The following ALG9 variants were observed in gnomAD, a reference collection of about 807,000 sequenced individuals.
ALG9 encodes alpha-1,2-mannosyltransferase ALG9.
In ALG9, 55 loss-of-function variants were observed where a neutral mutation model predicts 81.8. The observed-to-expected ratio is 0.67, with a 90% CI of 0.54 to 0.84. The LOEUF (loss-of-function observed/expected upper bound fraction) is 0.84. Ranked by LOEUF, ALG9 falls within the 40% of genes least tolerant of loss-of-function variation. The pLI is 0.00. For synonymous variants in ALG9, 278 were observed against 274.3 expected (o/e 1.01, Z -0.13); for missense variants, 629 against 745.0 (o/e 0.84, Z 1.81).
rs782084496 is a variant in ALG9, at chr11:111,809,716, G to A, written c.1660C>T (p.Arg554Trp). The change falls in exon 14 of 15, where the codon CGG (arginine) becomes TGG (tryptophan). Residue 554 changes from arginine (R) to tryptophan (W), a missense_variant. By Grantham distance (101) the Arg-to-Trp change is moderately radical. Around this residue, in one of 3 missense-constraint regions of ALG9, gnomAD observed 264 missense variants for 302.2 expected, o/e 0.87. Transcript: ENST00000616540. ...VDLDTMRETP[R>W]EPKYSSNKEE... ...TTATTGGATGAATATTTTGGCTCCC[G>A]GGGTGTTTCTCTCATGGTGTCCAAA... 5.5e-5 allele frequency: 89 copies of A among 1,613,894 alleles called. No individual in the cohort carries two copies. Among genetic ancestry groups the A allele is most frequent in the Non-Finnish European group, 6.4e-5 (76 of 1,179,966 alleles).
In ALG9 at chr11:111,857,224, C is replaced by A. The variant is rs549722788; in HGVS notation, c.701+378G>T. ...GGGTGGTGCCGCGTGGAGAAAACAT[C>A]AGCTATAGAGTCAAAAAGGCCTGGA... is the stretch of plus-strand genomic sequence containing the variant. On this transcript the variant is annotated intron_variant, in intron 6 of 14. Coordinates refer to ENST00000616540, the MANE Select transcript of ALG9 (RefSeq NM_024740.2). Among the ~76,000 whole-genome samples the A allele has an allele frequency of 5.3e-5, 8 of 152,278 alleles. No homozygotes were observed. In the East Asian group the frequency reaches 1.5e-3, roughly 29 times the overall value.
chr11:111,778,718 G>GT (rs1945761484), downstream of ALG9, among the ~76,000 whole-genome samples: 1 of 151,564 alleles, frequency 6.6e-6, no homozygotes, highest in African/African-American at 2.4e-5. Context: ...CACCTGGAGA[G>GT]TTTAAAAAAA....
At chr11:111,854,912 C>T (rs1398762362) in intron 6 of ALG9, among the ~76,000 whole-genome samples, 1 of 152,202 alleles carries the variant, frequency 6.6e-6, no homozygotes, top group East Asian at 1.9e-4. Context: ...TGCTAACTGA[C>T]TAATTGTGAT....
chr11:111,839,467 C>T (rs1955862039), intron 10 of ALG9, among the ~76,000 whole-genome samples: 1 of 151,726 alleles, frequency 6.6e-6, no homozygotes, highest in African/African-American at 2.4e-5. Context: ...CGCCTGTAGT[C>T]CCAGCTACCC....
the ALG9 span, among the ~76,000 whole-genome samples, chr11:111,776,433 T>C: frequency 6.6e-6 from 1 of 151,866 alleles, no homozygotes; most frequent in Non-Finnish European, 1.5e-5. Context: ...CCACTAAAAA[T>C]ACAAAAGTTA....
At chr11:111,803,450 A>G (rs1243111959) in intron 14 of ALG9, among the ~76,000 whole-genome samples, 1 of 151,458 alleles carries the variant, frequency 6.6e-6, no homozygotes, top group Non-Finnish European at 1.5e-5. Flanking sequence ...GCAACAAGCC[A>G]AGATCACGGC....
chr11:111,837,703 A>T, intron 11 of ALG9, 88 bp from the exon 12 acceptor site: 1 of 1,456,572 alleles, frequency 6.9e-7, no homozygotes, highest in Non-Finnish European at 9.5e-7. Flanking sequence ...TCGCACTGTA[A>T]GCCACAGGAA....
chr11:111,771,197 C>T, the ALG9 span: 439 of 152,348 alleles, frequency 2.9e-3, 1 homozygote, highest in Non-Finnish European at 4.9e-3. Flanking sequence ...TGTGGGAGGC[C>T]GAGGAGGGTG....
Position 111,826,980 on chromosome 11 carries a change from T to A in ALG9, c.1602+9185A>T, listed in dbSNP as rs188556749. Among the ~76,000 whole-genome samples the A allele has an allele frequency of 6.5e-3, 994 of 152,344 alleles. 5 individuals are homozygous for A. Among genetic ancestry groups the A allele is most frequent in the Middle Eastern group, 0.045 (13 of 292 alleles). ...CTACTGACTTTAAAAATCTCCTTTATTTTTAATTTCTAGCAGCTCTTATTT... is the reference window on the plus strand; with the variant it reads ...CTACTGACTTTAAAAATCTCCTTTAATTTTAATTTCTAGCAGCTCTTATTT... On this transcript the variant is annotated intron_variant, in intron 13 of 14. Coordinates refer to ENST00000616540, the MANE Select transcript of ALG9 (RefSeq NM_024740.2).
intron 13 of ALG9, among the ~76,000 whole-genome samples, chr11:111,823,318 C>A (rs1195029770): frequency 1.3e-5 from 2 of 152,320 alleles, no homozygotes; most frequent in East Asian, 3.9e-4. Flanking sequence ...CAAATATACT[C>A]CCCTTTGCTG....
intron 5 of ALG9, among the ~76,000 whole-genome samples, chr11:111,858,558 A>T (rs782018814): frequency 1.4e-4 from 21 of 152,318 alleles, no homozygotes; most frequent in South Asian, 4.1e-4. Context: ...TGACACAGAT[A>T]ATCTGGCCTT....
the ALG9 span, among the ~76,000 whole-genome samples, chr11:111,771,787 T>C: frequency 6.6e-6 from 1 of 152,238 alleles, no homozygotes; most frequent in Non-Finnish European, 1.5e-5. Context: ...ATTAATGATA[T>C]TTTAAATTTG....
chr11:111,818,087 T>C (rs1429432216), intron 13 of ALG9, among the ~76,000 whole-genome samples: 1 of 152,210 alleles, frequency 6.6e-6, no homozygotes, highest in African/African-American at 2.4e-5. Flanking sequence ...CCCTCACTTC[T>C]ATTTCAAATG....
chr11:111,809,562 G>A, intron 14 of ALG9, 81 bp downstream of exon 14: 1 of 1,545,532 alleles, frequency 6.5e-7, no homozygotes, highest in South Asian at 1.1e-5. Context: ...AGTCAACCCA[G>A]GACTGGAAGT....
intron 6 of ALG9, among the ~76,000 whole-genome samples, chr11:111,854,475 T>C (rs1457003147): frequency 6.6e-6 from 1 of 152,092 alleles, no homozygotes; most frequent in Non-Finnish European, 1.5e-5. Flanking sequence ...TTCACCATGT[T>C]GGCCAGGCTG....
intron 3 of ALG9, among the ~76,000 whole-genome samples, chr11:111,866,111 A>G (rs1208773631): frequency 1.3e-5 from 2 of 152,114 alleles, no homozygotes; most frequent in African/African-American, 4.8e-5. Flanking sequence ...CCTGGCCAAC[A>G]TGGTGAAACC....
intron 13 of ALG9, among the ~76,000 whole-genome samples, chr11:111,818,711 T>G (rs1024639251): frequency 1.3e-5 from 2 of 152,192 alleles, no homozygotes; most frequent in Non-Finnish European, 1.5e-5. Flanking sequence ...CATTGTAAGC[T>G]CCATAAAATC....
At chr11:111,814,327 T>A (rs1434949812) in intron 13 of ALG9, among the ~76,000 whole-genome samples, 1 of 152,054 alleles carries the variant, frequency 6.6e-6, no homozygotes, top group Non-Finnish European at 1.5e-5. Flanking sequence ...AAGTCATAAA[T>A]CTAAAGAGAA....
chr11:111,812,877 A>G (rs1466691869), intron 13 of ALG9, among the ~76,000 whole-genome samples: 1 of 139,620 alleles, frequency 7.2e-6, no homozygotes, highest in African/African-American at 2.8e-5. Context: ...AGATTGCACC[A>G]CTGCACTCCA....
Sources: allele counts gnomAD v4.1 joint callset (sites outside exome capture counted in the v4.1 genomes callset), GRCh38; gene constraint gnomAD v4.1.1; regional missense constraint gnomAD v4.1.1; transcripts MANE v1.5; gene names NCBI Gene and HGNC (gene_info 2026-07-23, HGNC 2026-07-21).